AGXT2: variants seen among roughly 807,000 people sequenced by gnomAD.
AGXT2 encodes the protein alanine--glyoxylate aminotransferase 2.
Under a neutral mutation model 62.5 loss-of-function variants are expected in AGXT2, and 61 were observed. The observed-to-expected ratio is 0.98, with a 90% CI of 0.79 to 1.21. The LOEUF (loss-of-function observed/expected upper bound fraction) is 1.21, where lower values mean the gene tolerates loss of function less well. Ranked by LOEUF, AGXT2 falls within the 50% of genes most tolerant of loss-of-function variation. The pLI is 0.00. For missense variants in AGXT2, 666 were observed against 641.5 expected (o/e 1.04, Z -0.41); for synonymous variants, 243 against 218.7 (o/e 1.11, Z -0.98).
At chr5:35,019,779 C>T (rs1766994923) in intron 9 of AGXT2, among the ~76,000 whole-genome samples, 1 of 152,004 alleles carries the variant, frequency 6.6e-6, no homozygotes, top group Non-Finnish European at 1.5e-5. Flanking sequence ...TTAATGAATC[C>T]AGGAGCTGGT....
chr5:35,045,002 G>A (rs1768131203), intron 1 of AGXT2, among the ~76,000 whole-genome samples: 1 of 152,162 alleles, frequency 6.6e-6, no homozygotes, highest in African/African-American at 2.4e-5. Context: ...GGGAGAGCAG[G>A]CATATATTAG....
intron 9 of AGXT2, among the ~76,000 whole-genome samples, chr5:35,024,711 G>C (rs914720895): frequency 7.2e-5 from 11 of 152,140 alleles, no homozygotes; most frequent in African/African-American, 2.4e-4. Flanking sequence ...GCTCATGCCT[G>C]TAAACCCAGC....
intron 5 of AGXT2, among the ~76,000 whole-genome samples, chr5:35,033,809 C>T (rs548935030): frequency 5.3e-5 from 8 of 152,280 alleles, no homozygotes; most frequent in South Asian, 2.1e-4. Flanking sequence ...TTAGGACCTT[C>T]CCTACTCTAT....
At chr5:35,014,624 T>C (rs1206268945) in intron 9 of AGXT2, among the ~76,000 whole-genome samples, 1 of 152,188 alleles carries the variant, frequency 6.6e-6, no homozygotes, top group Non-Finnish European at 1.5e-5. Context: ...AGTCATTTCC[T>C]AGCTTTGTGC....
In AGXT2 at chr5:35,013,056, A is replaced by C. The variant is rs1472118688; in HGVS notation, c.1097-11T>G. On this transcript the variant is annotated splice_polypyrimidine_tract_variant and intron_variant, in intron 10 of 13. Transcript: ENST00000231420. ...AAGATTTGGCAATCTCTAGAGGGAG[A>C]AAATAGAAGGTGTGGAAAGAGGGAC... is the stretch of plus-strand genomic sequence containing the variant. 1.2e-5 allele frequency: 18 copies of C among 1,550,724 alleles called. No homozygotes were observed. Among genetic ancestry groups the C allele is most frequent in the Non-Finnish European group, 1.6e-5 (18 of 1,146,252 alleles).
At chr5:35,005,323 G>T (rs1444625248) in intron 12 of AGXT2, among the ~76,000 whole-genome samples, 3 of 152,078 alleles carry the variant, frequency 2.0e-5, no homozygotes, top group Admixed American at 6.6e-5. Context: ...CTGCCTCCTG[G>T]GCTCAAGTGA....
At chr5:35,016,208 T>C (rs1377246476) in intron 9 of AGXT2, among the ~76,000 whole-genome samples, 1 of 152,170 alleles carries the variant, frequency 6.6e-6, no homozygotes, top group Non-Finnish European at 1.5e-5. Flanking sequence ...TGGTGAAAAA[T>C]CAGATTGCTT....
rs548735100 is a variant in AGXT2, at chr5:35,002,759, G to C, written c.1437+1004C>G. On this transcript the variant is annotated intron_variant, in intron 13 of 13. Transcript: ENST00000231420. The stretch of plus-strand genomic sequence containing the variant: ...ATGTATAAGCCACCCAGGCTATGGC[G>C]CTTTGTGATAGCAGGCTGGGGGGGG... Among the ~76,000 whole-genome samples the C allele has an allele frequency of 2.8e-5, 4 of 140,826 alleles. No individual in the cohort carries two copies. In the South Asian group the frequency reaches 9.8e-4, roughly 35 times the overall value. The allele number at this position is 140,826 out of a possible 152,430, so 92.4% of individuals were successfully genotyped here. A position where few individuals can be genotyped will look rare whatever the true frequency, so the allele number is the denominator to read the frequency against.
intron 13 of AGXT2, among the ~76,000 whole-genome samples, chr5:35,003,495 C>CT (rs1766309794): frequency 6.6e-6 from 1 of 152,028 alleles, no homozygotes; most frequent in Non-Finnish European, 1.5e-5. Context: ...CTGTCTGCCT[C>CT]TATCTTTACC....
chr5:35,020,423 G>A (rs1376967536), intron 9 of AGXT2, among the ~76,000 whole-genome samples: 1 of 152,120 alleles, frequency 6.6e-6, no homozygotes, highest in Non-Finnish European at 1.5e-5. Context: ...TTCAATATAT[G>A]CAAATCAATA....
rs1435859147 is a variant in AGXT2, at chr5:35,033,550, T to C, written c.585A>G (p.Gly195=). 1.2e-6 allele frequency: 2 copies of C among 1,613,282 alleles called. No homozygotes were observed. Among genetic ancestry groups the C allele is most frequent in the Admixed American group, 3.3e-5 (2 of 59,998 alleles). ...SNNIDIISFR[G]AYHGCSPYTL... is the part of the protein sequence containing the mutation. ...TGTAAGGACTGCATCCATGGTAGGC[T>C]CCTCTGCAGAGAAGAAACAACAGGA... Residue 195 remains glycine (G), a synonymous_variant, in exon 6 of 14, where the codon GGA becomes GGG. Transcript: ENST00000231420.
At chr5:35,038,103 G>A (rs1007618995) in intron 3 of AGXT2, among the ~76,000 whole-genome samples, 4 of 152,130 alleles carry the variant, frequency 2.6e-5, no homozygotes, top group South Asian at 2.1e-4. Context: ...ACTAGTGTAC[G>A]CTGTTTCTCT....
chr5:35,027,089 C>A (rs998219707), intron 7 of AGXT2: 16 of 850,280 alleles, frequency 1.9e-5, no homozygotes, highest in Non-Finnish European at 2.3e-5. Context: ...TTGTTTTTAA[C>A]AGGACTTTCT....
chr5:35,022,644 A>G (rs1767154902), intron 9 of AGXT2, among the ~76,000 whole-genome samples: 1 of 151,686 alleles, frequency 6.6e-6, no homozygotes, highest in South Asian at 2.1e-4. Flanking sequence ...TAGTGGGTGC[A>G]GCGCACCAGC....
At chr5:35,047,029 T>C (rs1421580322) in intron 1 of AGXT2, among the ~76,000 whole-genome samples, 1 of 152,146 alleles carries the variant, frequency 6.6e-6, no homozygotes, top group Non-Finnish European at 1.5e-5. Context: ...GGGCCTGGGG[T>C]CAAGCCCTGG....
intron 7 of AGXT2, among the ~76,000 whole-genome samples, chr5:35,031,533 A>G (rs1437702257): frequency 1.3e-5 from 2 of 152,222 alleles, no homozygotes; most frequent in Non-Finnish European, 2.9e-5. Context: ...CAGAAGTACT[A>G]AGGAGCGGCT....
At chr5:35,029,028 C>A (rs371520820) in intron 7 of AGXT2, among the ~76,000 whole-genome samples, 1 of 152,112 alleles carries the variant, frequency 6.6e-6, no homozygotes, top group Non-Finnish European at 1.5e-5. Flanking sequence ...ATGTGATATT[C>A]GGAAAAGTTT....
Position 35,032,756 on chromosome 5 carries a change from T to C in AGXT2, c.745A>G (p.Ile249Val), listed in dbSNP as rs1281670224. The C allele has an allele frequency of 1.9e-6, 3 of 1,609,306 alleles. No homozygotes were observed. In the East Asian group the frequency reaches 6.7e-5, roughly 36 times the overall value. Residue 249 changes from isoleucine (I) to valine (V), a missense_variant, in exon 7 of 14, where the codon ATC becomes GTC. Physicochemically the swap from Ile to Val is conservative, Grantham distance 29 (BLOSUM62 3). Coordinates refer to ENST00000231420, the MANE Select transcript of AGXT2 (RefSeq NM_031900.4). The stretch of plus-strand genomic sequence containing the variant: ...CCTGGTGCACAGCTGCACTTCCTGA[T>C]TGTTTGCACTGGAGAATCTCGACAG... ...SHCRDSPVQTIRKCSCAPDCC... is the reference protein window; with the variant it reads ...SHCRDSPVQTVRKCSCAPDCC...
chr5:35,025,836 T>C lies in AGXT2; in HGVS notation c.890A>G (p.Gln297Arg), dbSNP rs1174456894. 1.2e-6 allele frequency: 2 copies of C among 1,614,164 alleles called. No individual in the cohort carries two copies. Among genetic ancestry groups the C allele is most frequent in the Non-Finnish European group, 1.7e-6 (2 of 1,180,004 alleles). The stretch of plus-strand genomic sequence containing the variant: ...TTCCTTTAGAAACCCCTTTGGGTAC[T>C]GGACAACTCCATTCACACCCTGCAA... Reference protein sequence around the residue: ...EPIQGVNGVVQYPKGFLKEAF... With the variant: ...EPIQGVNGVVRYPKGFLKEAF... Residue 297 changes from glutamine (Q) to arginine (R), a missense_variant, in exon 9 of 14, where the codon CAG (glutamine) becomes CGG (arginine). Coordinates refer to ENST00000231420, the MANE Select transcript of AGXT2 (RefSeq NM_031900.4).
Sources: allele counts gnomAD v4.1 joint callset (sites outside exome capture counted in the v4.1 genomes callset), GRCh38; gene constraint gnomAD v4.1.1; transcripts MANE v1.5; gene names NCBI Gene and HGNC (gene_info 2026-07-23, HGNC 2026-07-21).